The following PLIN4 variants were observed in gnomAD, a reference collection of about 807,000 sequenced individuals.
PLIN4 encodes the protein perilipin 4, also known as perilipin-4.
Under a neutral mutation model 52.4 loss-of-function variants are expected in PLIN4, and 57 were observed. The ratio of observed to expected loss-of-function variants is 1.09; its 90% CI spans 0.88 to 1.36. PLIN4 has a LOEUF of 1.36. PLIN4 is among the 40% of genes most tolerant of loss of function. The pLI is 0.00. For synonymous variants in PLIN4, 826 were observed against 785.4 expected, an observed-to-expected ratio of 1.05 and a Z score of -0.86; for missense variants, 1,757 against 1,770.3, an observed-to-expected ratio of 0.99 and a Z score of 0.13.
chr19:4,502,561 C>T lies in PLIN4; in HGVS notation c.*1898G>A, dbSNP rs1055188558. ...GTCCGATGTGGGGAGGACGAGGGTC[C>T]GCGAGGCTAGGCTGGGAGGGTGGAG... On this transcript the variant is annotated 3_prime_UTR_variant, in exon 8 of 8. Transcript: ENST00000301286. 9.6e-5 allele frequency: 22 copies of T among 229,942 alleles called. No individual in the cohort carries two copies. Among genetic ancestry groups the T allele is most frequent in the African/African-American group, 4.8e-4 (20 of 41,990 alleles). The allele number at this position is 229,942 out of a possible 1,614,324, so 14.2% of individuals were successfully genotyped here.
Position 4,502,209 on chromosome 19 carries a change from A to AAATC in PLIN4, c.*2246_*2249dup. The AAATC allele has an allele frequency of 3.0e-6, 2 of 669,952 alleles. No individual in the cohort carries two copies. The highest frequency in any genetic ancestry group is 1.6e-5 in the South Asian group (1 of 61,464). 41.5% of individuals were successfully genotyped at this position (669,952 alleles called of 1,614,324 possible). On this transcript the variant is annotated 3_prime_UTR_variant, in exon 8 of 8. Coordinates refer to ENST00000301286, the MANE Select transcript of PLIN4 (RefSeq NM_001367868.2). ...ATAAATGGTTTTTTAATGAAAAAAG[A>AAATC]AATCACTTTTATTGGCTTGGTTTTC...
At chr19:4,516,556 G>C (rs1005831291) in intron 4 of PLIN4, 61 bp downstream of exon 4, 7 of 1,535,394 alleles carry the variant, frequency 4.6e-6, no homozygotes, top group East Asian at 4.9e-5. Context: ...CTGAAATGTC[G>C]CAGGAGGGGG....
intron 6 of PLIN4, 117 bp from the exon 7 acceptor site, chr19:4,505,064 G>A (rs1221925584): frequency 1.7e-5 from 16 of 929,724 alleles, no homozygotes; most frequent in Admixed American, 4.3e-5. Flanking sequence ...GAAAGGCCAC[G>A]AGTTCCAAGT....
chr19:4,506,224 C>G (rs1976088538), intron 6 of PLIN4, among the ~76,000 whole-genome samples: 1 of 152,220 alleles, frequency 6.6e-6, no homozygotes, highest in African/African-American at 2.4e-5. Context: ...CCGGCCCAAC[C>G]TGCCCCATCC....
intron 5 of PLIN4, among the ~76,000 whole-genome samples, chr19:4,509,940 T>C (rs962431511): frequency 1.3e-5 from 2 of 151,528 alleles, no homozygotes; most frequent in Non-Finnish European, 2.9e-5. Context: ...GGCCAGGTGC[T>C]CTCACGTGTA....
chr19:4,516,887 G>A (rs771734042), intron 3 of PLIN4, among the ~76,000 whole-genome samples: 2 of 152,228 alleles, frequency 1.3e-5, no homozygotes, highest in Non-Finnish European at 2.9e-5. Context: ...GCCCAGGGCC[G>A]CTGTTCCCTG....
At position 4,513,161 on chromosome 19, in the gene PLIN4, T is replaced by A. The variant is rs1011649129; in HGVS notation, c.799A>T (p.Thr267Ser). 6.2e-7 allele frequency: 1 copy of A among 1,612,722 alleles called. No homozygotes were observed. The highest frequency in any genetic ancestry group is 8.5e-7 in the Non-Finnish European group (1 of 1,179,526). Residue 267 changes from threonine (T) to serine (S), a missense_variant, in exon 5 of 8, where the codon ACC becomes TCC. Thr to Ser is a moderately conservative substitution (Grantham distance 58, BLOSUM62 1). Coordinates refer to ENST00000301286, the MANE Select transcript of PLIN4 (RefSeq NM_001367868.2). ...ACCCCACTACAGACGGTGTCCTTGG[T>A]ACCTGTTAGGACAGTCTTACTGGTG... ...VDTSKTVLTG[T>S]KDTVCSGVTG...
Sources: gnomAD v4.1 joint callset for allele counts (sites outside exome capture counted in the v4.1 genomes callset) on GRCh38, gnomAD v4.1.1 for gene constraint, MANE v1.5 for transcripts, NCBI Gene and HGNC (gene_info 2026-07-23, HGNC 2026-07-21) for gene names.